Variants in PTPRM observed in about 807,000 individuals in gnomAD.
The protein encoded by PTPRM is receptor-type tyrosine-protein phosphatase mu.
PTPRM carries 47 observed loss-of-function variants against 186.7 expected under a neutral mutation model. The observed-to-expected ratio is 0.25, with a 90% CI of 0.20 to 0.32. The LOEUF is 0.32. Among genes scored for constraint, PTPRM ranks in the 10% least tolerant of loss-of-function variants. The probability of loss-of-function intolerance (pLI) is 1.00; values close to 1 mark genes in which losing one functional copy is unlikely to be tolerated. For missense variants in PTPRM, 1,494 were observed against 1,865.0 expected (o/e 0.80, Z 3.66); for synonymous variants, 668 against 674.9 (o/e 0.99, Z 0.16).
chr18:8,284,704 C>A (rs1318791042), intron 19 of PTPRM, among the ~76,000 whole-genome samples: 1 of 152,092 alleles, frequency 6.6e-6, no homozygotes, highest in Non-Finnish European at 1.5e-5. Context: ...GTTACGATTG[C>A]ACCACTGCCC....
chr18:7,939,491 T>C (rs1474786732), intron 5 of PTPRM, among the ~76,000 whole-genome samples: 1 of 152,200 alleles, frequency 6.6e-6, no homozygotes, highest in Non-Finnish European at 1.5e-5. Flanking sequence ...TAGAGAAGGT[T>C]GTAAGTCTAA....
chr18:7,979,139 T>G (rs2055161413), intron 7 of PTPRM, among the ~76,000 whole-genome samples: 2 of 152,156 alleles, frequency 1.3e-5, no homozygotes, highest in African/African-American at 4.8e-5. Context: ...TTTCTGCAGA[T>G]GATCTATGTC....
chr18:7,648,402 C>A (rs776550731), intron 1 of PTPRM, among the ~76,000 whole-genome samples: 5 of 152,116 alleles, frequency 3.3e-5, no homozygotes, highest in Non-Finnish European at 5.9e-5. Flanking sequence ...TCACATCTCT[C>A]ACTTTAAATC....
chr18:7,934,304 G>T (rs1035745205), intron 5 of PTPRM, among the ~76,000 whole-genome samples: 1 of 148,498 alleles, frequency 6.7e-6, no homozygotes, highest in Non-Finnish European at 1.5e-5. Context: ...TGTTGGCCTA[G>T]AGATTGATAT....
intron 1 of PTPRM, among the ~76,000 whole-genome samples, chr18:7,617,714 GTTTC>G (rs2037840413): frequency 6.6e-6 from 1 of 152,154 alleles, no homozygotes. Context: ...TAATATATGT[GTTTC>G]TTTCTCCTTT....
chr18:8,271,461 T>C (rs1421385522), intron 19 of PTPRM, among the ~76,000 whole-genome samples: 2 of 152,032 alleles, frequency 1.3e-5, no homozygotes, highest in Non-Finnish European at 2.9e-5. Flanking sequence ...GCGAGTCTAA[T>C]CTGTTAGTTA....
At chr18:8,302,234 A>G (rs2095166271) in intron 20 of PTPRM, among the ~76,000 whole-genome samples, 1 of 152,192 alleles carries the variant, frequency 6.6e-6, no homozygotes, top group East Asian at 1.9e-4. Flanking sequence ...TGAGGATGGG[A>G]CATGGAAAAC....
chr18:8,360,904 TGTAGA>T (rs970398600), intron 23 of PTPRM: 1 of 152,222 alleles, frequency 6.6e-6, no homozygotes, highest in Non-Finnish European at 1.5e-5. Flanking sequence ...TTTCTGATGT[TGTAGA>T]GTAGAGAATC....
chr18:7,962,352 C>T (rs1014450933), intron 7 of PTPRM, among the ~76,000 whole-genome samples: 1 of 152,082 alleles, frequency 6.6e-6, no homozygotes, highest in Non-Finnish European at 1.5e-5. Flanking sequence ...CCAACATTCC[C>T]GACTGTGGGA....
At chr18:7,998,439 C>T (rs1171357643) in intron 7 of PTPRM, among the ~76,000 whole-genome samples, 1 of 152,026 alleles carries the variant, frequency 6.6e-6, no homozygotes, top group Non-Finnish European at 1.5e-5. Flanking sequence ...ATACATGCAT[C>T]AAAATATTAC....
At chr18:7,685,149 G>A (rs1337572235) in intron 1 of PTPRM, among the ~76,000 whole-genome samples, 1 of 152,160 alleles carries the variant, frequency 6.6e-6, no homozygotes, top group African/African-American at 2.4e-5. Flanking sequence ...GGGATCTGGG[G>A]TGGGTAAGTG....
intron 11 of PTPRM, among the ~76,000 whole-genome samples, chr18:8,108,525 A>G (rs1311903039): frequency 6.6e-6 from 1 of 152,220 alleles, no homozygotes; most frequent in Non-Finnish European, 1.5e-5. Context: ...AATTTCACAT[A>G]TGTATGAGGC....
chr18:8,009,546 A>C (rs1426785272), intron 7 of PTPRM, among the ~76,000 whole-genome samples: 1 of 152,014 alleles, frequency 6.6e-6, no homozygotes, highest in Non-Finnish European at 1.5e-5. Context: ...CGTCTCTACT[A>C]AAAATACAAA....
At chr18:7,796,268 C>T (rs140550422) in intron 2 of PTPRM, among the ~76,000 whole-genome samples, 1 of 151,960 alleles carries the variant, frequency 6.6e-6, no homozygotes, top group African/African-American at 2.4e-5. Context: ...GGCAGGTGCC[C>T]CTTATGCTCA....
chr18:7,731,773 C>G (rs546439435), intron 1 of PTPRM, among the ~76,000 whole-genome samples: 1 of 152,172 alleles, frequency 6.6e-6, no homozygotes, highest in Non-Finnish European at 1.5e-5. Context: ...AAACTTGATA[C>G]CATCAATTTT....
rs772898565 is a variant in PTPRM at position 8,114,772 on chromosome 18, C to G, written c.2131-19C>G. On this transcript the variant is annotated intron_variant, in intron 12 of 32. Coordinates refer to ENST00000580170, the MANE Select transcript of PTPRM (RefSeq NM_001105244.2). ...AGAAAACATGAATAATGATTTTTCC[C>G]TCTCTTTATTTGACACAGGAAACCA... is the stretch of plus-strand genomic sequence containing the variant. 6.3e-7 allele frequency: 1 copy of G among 1,590,818 alleles called. No individual in the cohort carries two copies.
chr18:7,980,625 C>T (rs558720605), intron 7 of PTPRM, among the ~76,000 whole-genome samples: 9 of 152,178 alleles, frequency 5.9e-5, no homozygotes, highest in African/African-American at 1.9e-4. Flanking sequence ...CTCAAACAGT[C>T]CTCCCACCTC....
intron 31 of PTPRM, among the ~76,000 whole-genome samples, chr18:8,387,778 A>C (rs942778448): frequency 1.9e-4 from 28 of 150,186 alleles, no homozygotes; most frequent in African/African-American, 5.8e-4. Flanking sequence ...GCGCGCGTGC[A>C]TGCTTTTTGG....
chr18:8,288,360 G>T (rs2094981456), intron 19 of PTPRM, among the ~76,000 whole-genome samples: 1 of 152,206 alleles, frequency 6.6e-6, no homozygotes, highest in South Asian at 2.1e-4. Context: ...CCAGATAAGG[G>T]GGAGCCCCAG....
Sources: gnomAD v4.1 joint callset for allele counts (sites outside exome capture counted in the v4.1 genomes callset) on GRCh38, gnomAD v4.1.1 for gene constraint, MANE v1.5 for transcripts, NCBI Gene and HGNC (gene_info 2026-07-23, HGNC 2026-07-21) for gene names.